Variants in QKI observed in about 807,000 individuals in gnomAD.
The protein encoded by QKI is KH domain-containing RNA-binding protein QKI.
QKI carries 10 observed loss-of-function variants against 39.0 expected under a neutral mutation model. The observed-to-expected ratio is 0.26, with a 90% CI of 0.16 to 0.43. The LOEUF (loss-of-function observed/expected upper bound fraction) is 0.43. QKI is among the 20% of genes least tolerant of loss of function. QKI has a pLI of 1.00. For missense variants in QKI, 218 were observed against 428.0 expected (o/e 0.51, Z 4.33); for synonymous variants, 204 against 155.4 (o/e 1.31, Z -2.33).
At chr6:163,432,690 T>C (rs1386984095) in intron 1 of QKI, among the ~76,000 whole-genome samples, 1 of 151,520 alleles carries the variant, frequency 6.6e-6, no homozygotes, top group Non-Finnish European at 1.5e-5. Flanking sequence ...TTGTTAAGAG[T>C]AGTCTCTCTC....
chr6:163,437,650 T>C (rs1789419291), intron 1 of QKI, among the ~76,000 whole-genome samples: 1 of 152,208 alleles, frequency 6.6e-6, no homozygotes, highest in Non-Finnish European at 1.5e-5. Flanking sequence ...ATGTTACTGT[T>C]TCACATTGAG....
chr6:163,457,452 T>G, intron 2 of QKI: 1 of 455,976 alleles, frequency 2.2e-6, no homozygotes, highest in Non-Finnish European at 4.4e-6. Flanking sequence ...TCTTGATCGG[T>G]GATTCTCAAA....
At position 163,572,670 on chromosome 6, in the gene QKI, A is replaced by ACCCCCCCCCCCCCCCCCCCCCCCC. The variant is rs60823251; in HGVS notation, c.*1971_*1972insCCCCCCCCCCCCCCCCCCCCCCCC. 5.1e-4 allele frequency: 10 copies of ACCCCCCCCCCCCCCCCCCCCCCCC among 19,654 alleles called. No individual in the cohort carries two copies. The highest frequency in any genetic ancestry group is 6.6e-4 in the African/African-American group (3 of 4,520). The allele number at this position is 19,654 out of a possible 1,614,324, so 1.2% of individuals were successfully genotyped here. A position where few individuals can be genotyped will look rare whatever the true frequency, so the allele number is the denominator to read the frequency against. ...CGTGGCAAATCTCAAGTGACAGTGGACCCCCCCCCCCGCCCAGCTTATCAA... is the reference window on the plus strand; with the variant it reads ...CGTGGCAAATCTCAAGTGACAGTGGACCCCCCCCCCCCCCCCCCCCCCCCCCCCCCCCCCCGCCCAGCTTATCAA... On this transcript the variant is annotated 3_prime_UTR_variant, in exon 8 of 8. Transcript: ENST00000361752.
At chr6:163,547,466 C>G (rs1781953562) in intron 4 of QKI, among the ~76,000 whole-genome samples, 2 of 152,180 alleles carry the variant, frequency 1.3e-5, no homozygotes, top group Admixed American at 1.3e-4. Flanking sequence ...ACCATGCCTC[C>G]AGTTACCACT....
At chr6:163,530,019 A>T (rs748426455) in intron 3 of QKI, among the ~76,000 whole-genome samples, 80 of 152,180 alleles carry the variant, frequency 5.3e-4, no homozygotes, top group Non-Finnish European at 1.5e-4. Context: ...TGGAAAATGT[A>T]AATTTGGGAT....
At chr6:163,451,360 G>T (rs1342989257) in intron 1 of QKI, among the ~76,000 whole-genome samples, 1 of 152,128 alleles carries the variant, frequency 6.6e-6, no homozygotes, top group Non-Finnish European at 1.5e-5. Flanking sequence ...TACAGTATAG[G>T]GTTTTGCATA....
intron 1 of QKI, among the ~76,000 whole-genome samples, chr6:163,419,556 C>T (rs1454570005): frequency 6.6e-6 from 1 of 152,148 alleles, no homozygotes; most frequent in Non-Finnish European, 1.5e-5. Context: ...AAGGAAGCTA[C>T]TATTTATAAT....
At chr6:163,484,598 G>T (rs1793329520) in intron 3 of QKI, among the ~76,000 whole-genome samples, 1 of 152,148 alleles carries the variant, frequency 6.6e-6, no homozygotes. Flanking sequence ...CCTAACAAGA[G>T]AATCAGCCTG....
At chr6:163,425,563 C>T (rs1345598344) in intron 1 of QKI, among the ~76,000 whole-genome samples, 4 of 152,094 alleles carry the variant, frequency 2.6e-5, no homozygotes, top group Non-Finnish European at 5.9e-5. Flanking sequence ...ATATACGTGG[C>T]TAACCCTTTA....
intron 1 of QKI, among the ~76,000 whole-genome samples, chr6:163,454,054 A>G (rs1790760581): frequency 6.6e-6 from 1 of 152,174 alleles, no homozygotes; most frequent in African/African-American, 2.4e-5. Context: ...AAGCATACAA[A>G]ATACATTTAA....
chr6:163,465,243 G>T (rs78347711), intron 2 of QKI, among the ~76,000 whole-genome samples: 1,677 of 152,254 alleles, frequency 0.011, 28 homozygotes, highest in African/African-American at 0.038. Context: ...ATGGTGAAAA[G>T]CTGAAAGCTT....
intron 6 of QKI, chr6:163,564,027 C>T (rs779220241): frequency 1.3e-5 from 15 of 1,166,870 alleles, no homozygotes; most frequent in Non-Finnish European, 1.6e-5. Context: ...TAGGTCCCAC[C>T]CCATTGGCCC....
At chr6:163,477,379 G>C (rs1473936507) in intron 2 of QKI, among the ~76,000 whole-genome samples, 1 of 152,130 alleles carries the variant, frequency 6.6e-6, no homozygotes, top group Non-Finnish European at 1.5e-5. Flanking sequence ...GAATCTGTGT[G>C]CTCTCAGAGT....
intron 4 of QKI, among the ~76,000 whole-genome samples, chr6:163,551,244 C>T (rs1377586171): frequency 1.3e-5 from 2 of 152,154 alleles, no homozygotes; most frequent in African/African-American, 4.8e-5. Context: ...AGTTCTGACA[C>T]CAGATTCCTC....
Position 163,521,930 on chromosome 6 carries a change from TATGTTAATATA to T in QKI, c.403-13048_403-13038del, listed in dbSNP as rs1780188154. Among the ~76,000 whole-genome samples the T allele has an allele frequency of 2.6e-5, 4 of 152,302 alleles. No individual in the cohort carries two copies. In the South Asian group the frequency reaches 8.3e-4, roughly 32 times the overall value. On this transcript the variant is annotated intron_variant, in intron 3 of 7. Coordinates refer to ENST00000361752, the MANE Select transcript of QKI (RefSeq NM_006775.3). ...GAAGCGGGATGTGCTTATGCTTGAT[TATGTTAATATA>T]ATGACAGAAAGGACATCCTGCAGTG... is the stretch of plus-strand genomic sequence containing the variant.
chr6:163,472,454 T>G (rs1311644554), intron 2 of QKI, among the ~76,000 whole-genome samples: 1 of 151,968 alleles, frequency 6.6e-6, no homozygotes, highest in African/African-American at 2.4e-5. Flanking sequence ...TGTGGAAAAA[T>G]GTTCTGTAAG....
intron 3 of QKI, among the ~76,000 whole-genome samples, chr6:163,495,860 T>C (rs1164823817): frequency 1.3e-5 from 2 of 152,230 alleles, no homozygotes; most frequent in African/African-American, 4.8e-5. Flanking sequence ...TGATGTCAAT[T>C]TGCCTCATTT....
chr6:163,432,397 C>CTT (rs1562426804), intron 1 of QKI, among the ~76,000 whole-genome samples: 3 of 148,478 alleles, frequency 2.0e-5, no homozygotes, highest in African/African-American at 7.6e-5. Flanking sequence ...AAATCCCCCC[C>CTT]CTTTTTTTTT....
intron 2 of QKI, among the ~76,000 whole-genome samples, chr6:163,465,626 CAAAAAAAAA>C (rs35130458): frequency 1.0e-5 from 1 of 95,772 alleles, no homozygotes; most frequent in Admixed American, 1.1e-4. Flanking sequence ...AAGACTGTCT[CAAAAAAAAA>C]AAAAAAAAAG....
Sources: allele counts gnomAD v4.1 joint callset (sites outside exome capture counted in the v4.1 genomes callset), GRCh38; gene constraint gnomAD v4.1.1; transcripts MANE v1.5; gene names NCBI Gene and HGNC (gene_info 2026-07-23, HGNC 2026-07-21).